The following DLG2 variants were observed in gnomAD, a reference collection of about 807,000 sequenced individuals.
DLG2 encodes the protein disks large homolog 2.
A neutral mutation model predicts 132.5 loss-of-function variants in DLG2; 45 were observed. That is an observed-to-expected ratio of 0.34 (90% confidence interval 0.27 to 0.44). The LOEUF is 0.44. DLG2 is among the 20% of genes least tolerant of loss of function. DLG2 has a pLI of 1.00. For missense variants in DLG2, 1,045 were observed against 1,196.9 expected (o/e 0.87, Z 1.87); for synonymous variants, 424 against 419.6 (o/e 1.01, Z -0.13).
intron 18 of DLG2, among the ~76,000 whole-genome samples, chr11:83,770,032 T>A (rs1323396923): frequency 6.6e-6 from 1 of 152,196 alleles, no homozygotes; most frequent in Non-Finnish European, 1.5e-5. Context: ...CCCGTCCACA[T>A]GACTGTTGCC....
intron 9 of DLG2, 60 bp downstream of exon 9, chr11:84,163,401 A>T (rs1258059044): frequency 1.4e-6 from 2 of 1,459,804 alleles, no homozygotes; most frequent in Admixed American, 2.0e-5. Context: ...ACTCATTAAG[A>T]TTAGAATAGA....
chr11:84,051,642 A>T (rs1349369745), intron 11 of DLG2, among the ~76,000 whole-genome samples: 2 of 100,718 alleles, frequency 2.0e-5, no homozygotes, highest in African/African-American at 3.8e-5. Flanking sequence ...GGGAGGGGGG[A>T]GGGATAGCAT....
At chr11:84,324,550 A>AT (rs1191691819) in intron 7 of DLG2, among the ~76,000 whole-genome samples, 9 of 151,954 alleles carry the variant, frequency 5.9e-5, no homozygotes, top group South Asian at 4.2e-4. Flanking sequence ...GTTCCATATG[A>AT]TTTTTTTTAA....
intron 19 of DLG2, among the ~76,000 whole-genome samples, chr11:83,566,981 C>T (rs1336687630): frequency 1.3e-5 from 2 of 152,210 alleles, no homozygotes; most frequent in South Asian, 2.1e-4. Flanking sequence ...TGTGATAATA[C>T]TTGGGATGAG....
chr11:85,050,694 G>C (rs1035086502), intron 6 of DLG2, among the ~76,000 whole-genome samples: 1 of 152,106 alleles, frequency 6.6e-6, no homozygotes, highest in Non-Finnish European at 1.5e-5. Flanking sequence ...TTAATGAACA[G>C]AAGATTTATA....
chr11:84,107,018 G>GAGAGAGAGAC lies in DLG2; in HGVS notation c.625-7972_625-7971insGTCTCTCTCT, dbSNP rs1480219390. 1.3e-4 allele frequency among the ~76,000 whole-genome samples: 19 copies of GAGAGAGAGAC among 150,178 alleles called. No homozygotes were observed. The East Asian group carries it at 3.5e-3, about 28-fold the overall frequency. ...TGTGTGTGTGTGTGTGTGTGTGAGA[G>GAGAGAGAGAC]AGTTTTAGCCTTAGGGGAGATATGT... is the stretch of plus-strand genomic sequence containing the variant. On this transcript the variant is annotated intron_variant, in intron 9 of 27. Coordinates refer to ENST00000376104, the MANE Select transcript of DLG2 (RefSeq NM_001142699.3).
chr11:84,071,768 A>T (rs2096760674), intron 10 of DLG2, among the ~76,000 whole-genome samples: 1 of 152,248 alleles, frequency 6.6e-6, no homozygotes, highest in Admixed American at 6.5e-5. Context: ...AAATCCAAGC[A>T]AAGAAGCCCT....
intron 15 of DLG2, among the ~76,000 whole-genome samples, chr11:83,898,994 A>C (rs906527699): frequency 6.6e-6 from 1 of 152,210 alleles, no homozygotes; most frequent in Non-Finnish European, 1.5e-5. Context: ...GTGAGGATTA[A>C]ACAGCACAGC....
chr11:84,513,992 GA>G (rs1021524309), intron 7 of DLG2, among the ~76,000 whole-genome samples: 1 of 151,640 alleles, frequency 6.6e-6, no homozygotes, highest in Non-Finnish European at 1.5e-5. Flanking sequence ...CAACTCTATA[GA>G]AAAAAAATCT....
At chr11:83,930,234 T>G in intron 15 of DLG2, 94 bp downstream of exon 15, 1 of 1,400,026 alleles carries the variant, frequency 7.1e-7, no homozygotes, top group South Asian at 1.3e-5. Context: ...AGATGTTTAG[T>G]GCAAGAGAAG....
At chr11:83,552,707 A>G (rs1372623431) in intron 19 of DLG2, among the ~76,000 whole-genome samples, 1 of 152,186 alleles carries the variant, frequency 6.6e-6, no homozygotes, top group Non-Finnish European at 1.5e-5. Context: ...CTCATTGGAA[A>G]CATGCACATG....
intron 6 of DLG2, among the ~76,000 whole-genome samples, chr11:84,648,898 T>G (rs936185830): frequency 2.0e-5 from 3 of 152,116 alleles, no homozygotes; most frequent in Non-Finnish European, 4.4e-5. Context: ...AATTTTTTTC[T>G]TTATAAATCA....
intron 6 of DLG2, among the ~76,000 whole-genome samples, chr11:84,591,817 TG>T (rs1365933937): frequency 5.3e-5 from 8 of 152,132 alleles, no homozygotes; most frequent in Admixed American, 2.6e-4. Context: ...TCAGAATCTC[TG>T]TGGGGGTAGG....
At chr11:84,183,845 G>A (rs1331109510) in intron 8 of DLG2, among the ~76,000 whole-genome samples, 1 of 152,078 alleles carries the variant, frequency 6.6e-6, no homozygotes, top group East Asian at 1.9e-4. Context: ...TTGTCCTTGT[G>A]ATAGTTTGCT....
chr11:83,656,136 T>C (rs1029057370), intron 18 of DLG2, among the ~76,000 whole-genome samples: 1 of 152,236 alleles, frequency 6.6e-6, no homozygotes, highest in Non-Finnish European at 1.5e-5. Flanking sequence ...TGTTAACAGA[T>C]GGCATGCAGA....
chr11:84,805,387 GA>G lies in DLG2; in HGVS notation c.358-270657del, dbSNP rs973265772. Among the ~76,000 whole-genome samples, 11 of 150,642 alleles carry G rather than the reference GA, an allele frequency of 7.3e-5. No homozygotes were observed. The South Asian group carries it at 8.4e-4, about 11-fold the overall frequency. On this transcript the variant is annotated intron_variant, in intron 6 of 27. Transcript: ENST00000376104. ...AAGAACCAAAAAGACCTAAAGTAGA[GA>G]AAAAAAAATAGAGAATCAATAAATG...
intron 6 of DLG2, among the ~76,000 whole-genome samples, chr11:84,685,930 G>A (rs1473532424): frequency 1.3e-5 from 2 of 152,088 alleles, no homozygotes; most frequent in Non-Finnish European, 2.9e-5. Flanking sequence ...CTCGTGATCC[G>A]CCTGCCTCGG....
At chr11:85,323,744 A>G (rs1190128410) in intron 3 of DLG2, among the ~76,000 whole-genome samples, 1 of 152,260 alleles carries the variant, frequency 6.6e-6, no homozygotes, top group African/African-American at 2.4e-5. Flanking sequence ...TATTAGTGAG[A>G]ATATACAATA....
At chr11:84,201,065 T>C (rs2096585849) in intron 8 of DLG2, among the ~76,000 whole-genome samples, 1 of 152,200 alleles carries the variant, frequency 6.6e-6, no homozygotes, top group Admixed American at 6.5e-5. Flanking sequence ...TCATTCAGTA[T>C]GATATTGGTT....
Sources: gnomAD v4.1 joint callset for allele counts (sites outside exome capture counted in the v4.1 genomes callset) on GRCh38, gnomAD v4.1.1 for gene constraint, MANE v1.5 for transcripts, NCBI Gene and HGNC (gene_info 2026-07-23, HGNC 2026-07-21) for gene names.